Variants in NCKAP5 observed in about 807,000 individuals in gnomAD.
NCKAP5 encodes the protein nck-associated protein 5.
In NCKAP5, 92 loss-of-function variants were observed where a neutral mutation model predicts 167.0. The ratio of observed to expected loss-of-function variants is 0.55; its 90% confidence interval spans 0.47 to 0.66. The LOEUF (loss-of-function observed/expected upper bound fraction) is 0.66, where lower values mean the gene tolerates loss of function less well. Ranked by LOEUF, NCKAP5 falls within the 30% of genes least tolerant of loss-of-function variation. NCKAP5 has a pLI of 0.00. For synonymous variants in NCKAP5, 891 were observed against 877.4 expected (o/e 1.02, Z -0.27); for missense variants, 2,378 against 2,315.0 (o/e 1.03, Z -0.56).
chr2:132,803,311 T>G (rs768787449), intron 11 of NCKAP5, among the ~76,000 whole-genome samples: 2 of 152,232 alleles, frequency 1.3e-5, no homozygotes, highest in African/African-American at 4.8e-5. Context: ...TTATTTTCCC[T>G]GACAACTTTT....
the NCKAP5 span, among the ~76,000 whole-genome samples, chr2:133,654,832 C>T: frequency 5.3e-5 from 8 of 152,180 alleles, no homozygotes; most frequent in African/African-American, 1.7e-4. Flanking sequence ...CATCGAAGAG[C>T]TTCCTAACTC....
intron 2 of NCKAP5, among the ~76,000 whole-genome samples, chr2:133,521,681 G>A (rs1457641422): frequency 2.0e-5 from 3 of 152,102 alleles, no homozygotes; most frequent in African/African-American, 7.2e-5. Flanking sequence ...TTCCTCTAAG[G>A]ACACCAGTTG....
chr2:133,382,363 T>C (rs1265725257), intron 3 of NCKAP5, among the ~76,000 whole-genome samples: 4 of 152,174 alleles, frequency 2.6e-5, no homozygotes, highest in East Asian at 1.9e-4. Context: ...CACCACACAG[T>C]ACCTAGAGTG....
chr2:133,366,697 T>C (rs1227274546), intron 3 of NCKAP5, among the ~76,000 whole-genome samples: 1 of 152,104 alleles, frequency 6.6e-6, no homozygotes, highest in Non-Finnish European at 1.5e-5. Flanking sequence ...GCCAGAAAAA[T>C]TATACACAGT....
intron 8 of NCKAP5, among the ~76,000 whole-genome samples, chr2:132,909,356 T>A (rs1481439688): frequency 2.0e-5 from 3 of 151,732 alleles, no homozygotes; most frequent in Admixed American, 6.6e-5. Context: ...AAAAAAAAAA[T>A]TATATCTATC....
intron 4 of NCKAP5, among the ~76,000 whole-genome samples, chr2:133,240,168 C>T (rs1287511751): frequency 6.6e-6 from 1 of 152,066 alleles, no homozygotes; most frequent in Non-Finnish European, 1.5e-5. Context: ...ACCTACTCTC[C>T]TAAAGGCTAA....
rs565720362 is a variant in NCKAP5, at chr2:132,966,960, A to G, written c.430-3091T>C. 3.3e-5 allele frequency among the ~76,000 whole-genome samples: 5 copies of G among 152,328 alleles called. No homozygotes were observed. In the East Asian group the frequency reaches 9.6e-4, roughly 29 times the overall value. On this transcript the variant is annotated intron_variant, in intron 7 of 19. Coordinates refer to ENST00000409261, the MANE Select transcript of NCKAP5 (RefSeq NM_207363.3). ...AGTTTATTGCATGAAAGCTAAAACA[A>G]CAAGGCACAGTCAGTGCTGCCTTGC...
chr2:132,691,713 C>A (rs1265332048), intron 19 of NCKAP5, among the ~76,000 whole-genome samples: 2 of 152,124 alleles, frequency 1.3e-5, no homozygotes, highest in Non-Finnish European at 2.9e-5. Context: ...CATCTCCGAC[C>A]AGAAACATTC....
intron 6 of NCKAP5, among the ~76,000 whole-genome samples, chr2:133,113,638 T>C (rs2081985377): frequency 6.6e-6 from 1 of 152,126 alleles, no homozygotes; most frequent in Admixed American, 6.5e-5. Flanking sequence ...ATGTTCAGGG[T>C]ATGCTGAACC....
chr2:133,599,295 T>C, the NCKAP5 span, among the ~76,000 whole-genome samples: 1 of 152,128 alleles, frequency 6.6e-6, no homozygotes, highest in Non-Finnish European at 1.5e-5. Flanking sequence ...TTGAGAATAA[T>C]TGTGAGGTCC....
intron 16 of NCKAP5, among the ~76,000 whole-genome samples, chr2:132,772,172 A>G (rs1682133028): frequency 6.6e-6 from 1 of 152,102 alleles, no homozygotes. Context: ...TATACCATCT[A>G]GGTTTGTGTA....
At chr2:133,065,819 T>G (rs763749416) in intron 6 of NCKAP5, among the ~76,000 whole-genome samples, 3 of 152,302 alleles carry the variant, frequency 2.0e-5, no homozygotes, top group Admixed American at 6.5e-5. Flanking sequence ...GAGTCTTGTC[T>G]GGCATTTTAC....
chr2:133,526,644 C>A (rs1011757889), intron 2 of NCKAP5, among the ~76,000 whole-genome samples: 7 of 152,108 alleles, frequency 4.6e-5, no homozygotes, highest in Non-Finnish European at 1.0e-4. Context: ...TCTGGCTGCT[C>A]TTCTCAAACC....
intron 5 of NCKAP5, among the ~76,000 whole-genome samples, chr2:133,138,294 G>GA (rs2082872336): frequency 6.6e-6 from 1 of 152,160 alleles, no homozygotes; most frequent in African/African-American, 2.4e-5. Context: ...AGTCATGGTG[G>GA]AAAAAATTAC....
At chr2:132,892,041 G>A (rs781532940) in intron 8 of NCKAP5, among the ~76,000 whole-genome samples, 10 of 152,156 alleles carry the variant, frequency 6.6e-5, no homozygotes, top group Non-Finnish European at 1.3e-4. Flanking sequence ...TGTAACCACG[G>A]CCACTCACAG....
In NCKAP5 at chr2:132,753,174, C is replaced by T. The variant is rs186750970; in HGVS notation, c.5128+20642G>A. 1.1e-4 allele frequency among the ~76,000 whole-genome samples: 17 copies of T among 152,254 alleles called. 1 individual carries two copies. In the East Asian group the frequency reaches 2.7e-3, roughly 24 times the overall value. ...ACCATCACAGTACTTAAGGAGATAG[C>T]GTTTGTGGCACACAGCAATGATTAA... On this transcript the variant is annotated intron_variant, in intron 16 of 19. Coordinates refer to ENST00000409261, the MANE Select transcript of NCKAP5 (RefSeq NM_207363.3).
intron 8 of NCKAP5, among the ~76,000 whole-genome samples, chr2:132,952,267 C>T (rs572376509): frequency 7.2e-5 from 11 of 152,258 alleles, no homozygotes; most frequent in African/African-American, 2.6e-4. Flanking sequence ...GGAGATTAGT[C>T]CTTGATGCAT....
chr2:132,764,743 C>G (rs921851515), intron 16 of NCKAP5, among the ~76,000 whole-genome samples: 1 of 152,218 alleles, frequency 6.6e-6, no homozygotes. Context: ...TTATCAATAG[C>G]TCTTCCTGCC....
At chr2:132,818,976 T>C (rs1395094913) in intron 11 of NCKAP5, among the ~76,000 whole-genome samples, 1 of 152,246 alleles carries the variant, frequency 6.6e-6, no homozygotes, top group Non-Finnish European at 1.5e-5. Flanking sequence ...CCATCTCATA[T>C]ATGTTTTTCC....
Sources: allele counts gnomAD v4.1 joint callset (sites outside exome capture counted in the v4.1 genomes callset), GRCh38; gene constraint gnomAD v4.1.1; transcripts MANE v1.5; gene names NCBI Gene and HGNC (gene_info 2026-07-23, HGNC 2026-07-21).